CHRNA5: variants seen among roughly 807,000 people sequenced by gnomAD.
CHRNA5 encodes cholinergic receptor nicotinic alpha 5 subunit.
CHRNA5 carries 28 observed loss-of-function variants against 41.2 expected under a neutral mutation model. The observed-to-expected ratio is 0.68, with a 90% CI of 0.50 to 0.93. CHRNA5 has a LOEUF of 0.93. Among genes scored for constraint, CHRNA5 ranks in the 40% least tolerant of loss-of-function variants. CHRNA5 has a pLI of 0.00. For synonymous variants in CHRNA5, 188 were observed against 205.8 expected (o/e 0.91, Z 0.74); for missense variants, 481 against 581.9 (o/e 0.83, Z 1.78).
At chr15:78,575,381 T>A (rs1438779722) in intron 1 of CHRNA5, among the ~76,000 whole-genome samples, 1 of 151,810 alleles carries the variant, frequency 6.6e-6, no homozygotes, top group East Asian at 1.9e-4. Context: ...TCCCATTTAA[T>A]TTTTTTTTGT....
rs114570989 is a variant in CHRNA5, at chr15:78,579,805, A to G, written c.107-1006A>G. On this transcript the variant is annotated intron_variant, in intron 1 of 5. Coordinates refer to ENST00000299565, the Ensembl canonical transcript of CHRNA5. ...TAGCATCAGTAGATTGGGAGGCTCAACCCTTCTTGCTGCATTTTCTTCATT... is the reference window on the plus strand; with the variant it reads ...TAGCATCAGTAGATTGGGAGGCTCAGCCCTTCTTGCTGCATTTTCTTCATT... 9.7e-3 allele frequency among the ~76,000 whole-genome samples: 1,469 copies of G among 152,146 alleles called. 9 individuals carry two copies. Among genetic ancestry groups the G allele is most frequent in the Middle Eastern group, 0.024 (7 of 294 alleles).
At position 78,590,117 on chromosome 15, in the gene CHRNA5, C is replaced by A. The variant is rs201492819; in HGVS notation, c.726C>A (p.Tyr242Ter). The change falls in exon 5 of 6, where the codon TAC becomes TAA. Residue 242 changes from tyrosine to a stop codon, truncating the protein, a stop_gained. Transcript: ENST00000299565. LOFTEE classifies it high-confidence loss of function. ...GTTGCTGGTATCCGTATGTCACTTA[C>A]TCATTTGTAATCAAGCGCCTGCCTC... The A allele has an allele frequency of 4.3e-6, 7 of 1,614,064 alleles. No homozygotes were observed. Among genetic ancestry groups the A allele is most frequent in the Non-Finnish European group, 5.1e-6 (6 of 1,180,042 alleles).
At chr15:78,585,307 T>C (rs2052949105) in intron 2 of CHRNA5, among the ~76,000 whole-genome samples, 1 of 152,196 alleles carries the variant, frequency 6.6e-6, no homozygotes, top group African/African-American at 2.4e-5. Context: ...ATTCTCCCCA[T>C]GCAGGGACCT....
intron 1 of CHRNA5, among the ~76,000 whole-genome samples, chr15:78,576,150 T>A (rs7178052): frequency 6.6e-6 from 1 of 152,060 alleles, no homozygotes; most frequent in Non-Finnish European, 1.5e-5. Flanking sequence ...TGTTTTTTTT[T>A]TTGTTGTTGT....
chr15:78,571,859 CTTGT>C (rs1465302470), intron 1 of CHRNA5, among the ~76,000 whole-genome samples: 1 of 152,076 alleles, frequency 6.6e-6, no homozygotes, highest in Admixed American at 6.6e-5. Context: ...GGTAAGCATT[CTTGT>C]TTGTCACATT....
intron 1 of CHRNA5, among the ~76,000 whole-genome samples, chr15:78,575,891 C>T (rs2052852177): frequency 6.6e-6 from 1 of 152,180 alleles, no homozygotes; most frequent in Non-Finnish European, 1.5e-5. Context: ...TTCCTGATGG[C>T]TAAAGGTGTT....
chr15:78,577,968 CT>C (rs1261742958), intron 1 of CHRNA5, among the ~76,000 whole-genome samples: 24 of 78,348 alleles, frequency 3.1e-4, no homozygotes, highest in Admixed American at 9.0e-4. Context: ...ATACTTTTAT[CT>C]TTTAACCCTT....
chr15:78,567,239 C>G (rs549589682), intron 1 of CHRNA5, among the ~76,000 whole-genome samples: 24 of 145,268 alleles, frequency 1.7e-4, no homozygotes, highest in African/African-American at 5.7e-4. Context: ...GGCAACACAG[C>G]GAGACTCCGT....
At chr15:78,590,385 G>C in exon 5 of CHRNA5, 2 of 1,614,144 alleles carry the variant, frequency 1.2e-6, no homozygotes, top group Non-Finnish European at 8.5e-7. Flanking sequence ...TATGGTAACC[G>C]TCTTCGCTAT....
chr15:78,569,576 G>A (rs1711731), intron 1 of CHRNA5, among the ~76,000 whole-genome samples: 31,867 of 151,172 alleles, frequency 0.21, 3,523 homozygotes, highest in South Asian at 0.36. Context: ...TGGGACTACA[G>A]GCACCCGCCA....
At chr15:78,568,448 G>C (rs1267277019) in intron 1 of CHRNA5, among the ~76,000 whole-genome samples, 1 of 149,848 alleles carries the variant, frequency 6.7e-6, no homozygotes, top group Non-Finnish European at 1.5e-5. Context: ...TTAGCTGTGT[G>C]ACATTTTATT....
intron 4 of CHRNA5, chr15:78,589,128 C>T (rs1029832957): frequency 6.6e-6 from 1 of 152,186 alleles, no homozygotes; most frequent in Admixed American, 6.5e-5. Context: ...CATGATGCAG[C>T]TTCCTGGAGC....
At chr15:78,568,822 T>A (rs1370135929) in intron 1 of CHRNA5, among the ~76,000 whole-genome samples, 1 of 152,326 alleles carries the variant, frequency 6.6e-6, no homozygotes, top group Middle Eastern at 3.4e-3. Flanking sequence ...TCATTCTTTT[T>A]TATGGCTGCA....
chr15:78,578,496 G>C (rs937687389), intron 1 of CHRNA5, among the ~76,000 whole-genome samples: 1 of 152,210 alleles, frequency 6.6e-6, no homozygotes, highest in African/African-American at 2.4e-5. Context: ...GACAGAGTGA[G>C]ACTCCGTCTC....
exon 1 of CHRNA5, chr15:78,565,614 C>A: frequency 3.8e-6 from 1 of 263,882 alleles, no homozygotes; most frequent in Non-Finnish European, 6.6e-6. Flanking sequence ...CGTCTGCCCT[C>A]GTTTTGTCTC....
In CHRNA5 at chr15:78,589,835, GA is replaced by G; in HGVS notation, c.448del (p.Thr150GlnfsTer23). The G allele has an allele frequency of 6.2e-7, 1 of 1,606,472 alleles. No homozygotes were observed. The highest frequency in any genetic ancestry group is 1.3e-5 in the African/African-American group (1 of 74,620). On this transcript the variant is annotated frameshift_variant, in exon 5 of 6. Coordinates refer to ENST00000299565, the Ensembl canonical transcript of CHRNA5. LOFTEE classifies it high-confidence loss of function. ...ATGGACGTTTTGAAGGGACCAGTAC[GA>G]AAACAGTCATCAGGTACAATGGCAC...
At chr15:78,570,026 G>T (rs902120124) in intron 1 of CHRNA5, among the ~76,000 whole-genome samples, 11 of 150,954 alleles carry the variant, frequency 7.3e-5, no homozygotes, top group Non-Finnish European at 1.6e-4. Flanking sequence ...CTCCATTTTG[G>T]CCAGGCTGGT....
chr15:78,585,090 G>C (rs1167046933), intron 2 of CHRNA5, among the ~76,000 whole-genome samples: 1 of 152,082 alleles, frequency 6.6e-6, no homozygotes, highest in Non-Finnish European at 1.5e-5. Flanking sequence ...GCTACTTTTT[G>C]TATTTTTAGT....
At chr15:78,566,576 C>G (rs1339751915) in intron 1 of CHRNA5, among the ~76,000 whole-genome samples, 1 of 152,136 alleles carries the variant, frequency 6.6e-6, no homozygotes, top group Non-Finnish European at 1.5e-5. Flanking sequence ...GTGATCTAAA[C>G]GTAGAAAAGC....
Sources: allele counts gnomAD v4.1 joint callset (sites outside exome capture counted in the v4.1 genomes callset), GRCh38; gene constraint gnomAD v4.1.1; transcripts MANE v1.5; gene names NCBI Gene and HGNC (gene_info 2026-07-23, HGNC 2026-07-21).